Variants in PLEKHG1 observed in about 807,000 individuals in gnomAD.
PLEKHG1 encodes pleckstrin homology and RhoGEF domain containing G1.
In PLEKHG1, 44 loss-of-function variants were observed where a neutral mutation model predicts 100.8. The observed-to-expected ratio is 0.44, with a 90% CI of 0.34 to 0.56. The LOEUF (loss-of-function observed/expected upper bound fraction) is 0.56. Among genes scored for constraint, PLEKHG1 ranks in the 20% least tolerant of loss-of-function variants. PLEKHG1 has a pLI of 0.01. For missense variants in PLEKHG1, 1,545 were observed against 1,720.9 expected (o/e 0.90, Z 1.81); for synonymous variants, 640 against 662.5 (o/e 0.97, Z 0.52).
chr6:150,692,143 T>G (rs1485285659), intron 3 of PLEKHG1, among the ~76,000 whole-genome samples: 1 of 152,228 alleles, frequency 6.6e-6, no homozygotes, highest in Non-Finnish European at 1.5e-5. Flanking sequence ...CAGGCATGAG[T>G]AAAATAAAGA....
chr6:150,736,661 T>A (rs1335234807), intron 2 of PLEKHG1, among the ~76,000 whole-genome samples: 1 of 151,958 alleles, frequency 6.6e-6, no homozygotes, highest in Non-Finnish European at 1.5e-5. Context: ...CCCAGCTACT[T>A]GGGAGGCTGA....
rs778927352 is a variant in PLEKHG1 at position 150,838,464 on chromosome 6, C to T, written c.3095-1369C>T. Among the ~76,000 whole-genome samples the T allele has an allele frequency of 9.2e-5, 14 of 152,240 alleles. No homozygotes were observed. The South Asian group carries it at 1.5e-3, about 16-fold the overall frequency. ...TACTGTTAGTGTATTTTATGTGTGT[C>T]CCAAGACAATTATTCTTCCTCCAAT... On this transcript the variant is annotated intron_variant, in intron 15 of 15. Coordinates refer to ENST00000358517, the Ensembl canonical transcript of PLEKHG1.
At chr6:150,840,066 C>T (rs904159858) in exon 16 of PLEKHG1, 3 of 1,614,022 alleles carry the variant, frequency 1.9e-6, no homozygotes, top group Non-Finnish European at 1.7e-6. Context: ...GTCAAGATAT[C>T]CCACGTTTGA....
Position 150,699,701 on chromosome 6 carries a change from A to C in PLEKHG1, c.-98-33883A>C, listed in dbSNP as rs78420496. Among the ~76,000 whole-genome samples the C allele has an allele frequency of 9.8e-3, 1,487 of 152,340 alleles. 23 individuals are homozygous for C. The highest frequency in any genetic ancestry group is 0.034 in the African/African-American group (1,413 of 41,576). ...ACACCCCGCGAGGCCATGAAAATTA[A>C]GCCATTTTAAACACAGCAAGTTTAA... On this transcript the variant is annotated intron_variant, in intron 3 of 3. Transcript: ENST00000367326.
At chr6:150,666,119 T>C (rs1389923389) in intron 3 of PLEKHG1, among the ~76,000 whole-genome samples, 1 of 152,246 alleles carries the variant, frequency 6.6e-6, no homozygotes, top group African/African-American at 2.4e-5. Flanking sequence ...TTCTGAGTCC[T>C]TCCTCTACCC....
At chr6:150,797,999 T>G (rs778502581) in intron 5 of PLEKHG1, among the ~76,000 whole-genome samples, 2 of 152,038 alleles carry the variant, frequency 1.3e-5, no homozygotes, top group Non-Finnish European at 2.9e-5. Flanking sequence ...CACATGCATA[T>G]TAGAACATTT....
intron 15 of PLEKHG1, 50 bp from the exon 17 acceptor site, chr6:150,839,783 G>A (rs754344912): frequency 3.1e-5 from 34 of 1,109,528 alleles, no homozygotes; most frequent in South Asian, 1.7e-4. Flanking sequence ...TAATCTTCAC[G>A]TATAGGAATT....
intron 2 of PLEKHG1, among the ~76,000 whole-genome samples, chr6:150,754,960 G>GT (rs1228524874): frequency 6.6e-6 from 1 of 152,052 alleles, no homozygotes; most frequent in Non-Finnish European, 1.5e-5. Context: ...ATGAGCCACT[G>GT]TGCCTGGCCG....
intron 2 of PLEKHG1, among the ~76,000 whole-genome samples, chr6:150,762,650 C>T (rs1328516098): frequency 6.6e-6 from 1 of 152,124 alleles, no homozygotes; most frequent in Non-Finnish European, 1.5e-5. Flanking sequence ...CCAGGGAAAA[C>T]TCTATCTCCA....
intron 2 of PLEKHG1, among the ~76,000 whole-genome samples, chr6:150,649,363 A>T (rs932147886): frequency 1.4e-4 from 21 of 152,326 alleles, no homozygotes; most frequent in African/African-American, 4.6e-4. Context: ...TAATAATAAT[A>T]ATTAGCACAT....
At chr6:150,647,052 C>T (rs376809236) in intron 2 of PLEKHG1, among the ~76,000 whole-genome samples, 3 of 152,082 alleles carry the variant, frequency 2.0e-5, no homozygotes, top group Non-Finnish European at 2.9e-5. Flanking sequence ...TTTGTGCTTA[C>T]GAACAAATTT....
Position 150,840,779 on chromosome 6 carries a change from T to A in PLEKHG1, c.4041T>A (p.Tyr1347Ter), listed in dbSNP as rs750918683. ...GCCTTTCACCATATCTGACACCATA[T>A]AATGATTCTGACAAACTGAATGACT... Residue 1347 changes from tyrosine to a stop codon, truncating the protein, a stop_gained, in exon 16 of 16, where the codon TAT (tyrosine) becomes TAA (stop). Coordinates refer to ENST00000358517, the Ensembl canonical transcript of PLEKHG1. LOFTEE classifies it high-confidence loss of function. 6.2e-7 allele frequency: 1 copy of A among 1,614,046 alleles called. No homozygotes were observed.
At chr6:150,605,334 G>A (rs1776554104) in intron 1 of PLEKHG1, among the ~76,000 whole-genome samples, 1 of 152,224 alleles carries the variant, frequency 6.6e-6, no homozygotes, top group Non-Finnish European at 1.5e-5. Flanking sequence ...GGGCTTTGAA[G>A]TCAGGCTGAG....
chr6:150,733,625 A>G, exon 2 of PLEKHG1: 1 of 1,613,946 alleles, frequency 6.2e-7, no homozygotes, highest in Non-Finnish European at 8.5e-7. Flanking sequence ...AGCTGTAACC[A>G]AAGTTCCACA....
chr6:150,800,589 A>G, intron 5 of PLEKHG1, 130 bp from the exon 7 acceptor site: 1 of 814,434 alleles, frequency 1.2e-6, no homozygotes, highest in South Asian at 1.9e-5. Flanking sequence ...GCCTAAAGGC[A>G]TGCTGATCTG....
At position 150,830,059 on chromosome 6, in the gene PLEKHG1, A is replaced by G. The variant is rs181790813; in HGVS notation, c.1471-523A>G. On this transcript the variant is annotated intron_variant, in intron 14 of 15. Coordinates refer to ENST00000358517, the Ensembl canonical transcript of PLEKHG1. ...CTTGAAGAATCTAAGAATTTTCTGTATTTAGCTTATATCATGCTTTGGGGC... is the reference window on the plus strand; with the variant it reads ...CTTGAAGAATCTAAGAATTTTCTGTGTTTAGCTTATATCATGCTTTGGGGC... Among the ~76,000 whole-genome samples the G allele has an allele frequency of 2.0e-5, 3 of 152,264 alleles. No individual in the cohort carries two copies. In the East Asian group the frequency reaches 5.8e-4, roughly 29 times the overall value.
At chr6:150,769,355 A>T (rs577400839) in intron 3 of PLEKHG1, among the ~76,000 whole-genome samples, 1 of 152,092 alleles carries the variant, frequency 6.6e-6, no homozygotes, top group African/African-American at 2.4e-5. Context: ...GCCGAGGTGG[A>T]CAGATCACTT....
In PLEKHG1 at chr6:150,831,942, A is replaced by G. The variant is rs1776962724; in HGVS notation, c.2831A>G (p.Asp944Gly). 2 of 1,613,936 alleles carry G rather than the reference A, an allele frequency of 1.2e-6. No homozygotes were observed. Among genetic ancestry groups the G allele is most frequent in the Non-Finnish European group, 8.5e-7 (1 of 1,179,810 alleles). ...CTGGCTAGTGAAATGCCCCTCATGG[A>G]CAATCCCTACGACCTGGCCAACAGT... Residue 944 changes from aspartate (D) to glycine (G), a missense_variant, in exon 15 of 16, where the codon GAC (aspartate) becomes GGC (glycine). Physicochemically the swap from Asp to Gly is moderately conservative, Grantham distance 94 (BLOSUM62 -1). Coordinates refer to ENST00000358517, the Ensembl canonical transcript of PLEKHG1. This position sits in a 1 kb window ranked among gnomAD's most constrained non-coding sequence, Gnocchi z 4.1.
intron 2 of PLEKHG1, among the ~76,000 whole-genome samples, chr6:150,749,721 A>G (rs1783386410): frequency 6.6e-6 from 1 of 152,202 alleles, no homozygotes; most frequent in African/African-American, 2.4e-5. Flanking sequence ...GATAAAATAC[A>G]TAAATTTACT....
Sources: allele counts gnomAD v4.1 joint callset (sites outside exome capture counted in the v4.1 genomes callset), GRCh38; gene constraint gnomAD v4.1.1; non-coding constraint Gnocchi (gnomAD v3.1); transcripts MANE v1.5; gene names NCBI Gene and HGNC (gene_info 2026-07-23, HGNC 2026-07-21).